Variants in SPIRE1 observed in about 807,000 individuals in gnomAD.
SPIRE1 encodes protein spire homolog 1.
Under a neutral mutation model 94.1 loss-of-function variants are expected in SPIRE1, and 40 were observed. That is an observed-to-expected ratio of 0.43 (90% CI 0.33 to 0.55). SPIRE1 has a LOEUF of 0.55. Ranked by LOEUF, SPIRE1 falls within the 20% of genes least tolerant of loss-of-function variation. The pLI is 0.06. For synonymous variants in SPIRE1, 376 were observed against 371.7 expected (o/e 1.01, Z -0.13); for missense variants, 838 against 975.2 (o/e 0.86, Z 1.87).
intron 10 of SPIRE1, among the ~76,000 whole-genome samples, chr18:12,476,614 T>C (rs1239081202): frequency 7.4e-6 from 1 of 135,378 alleles, no homozygotes; most frequent in African/African-American, 2.7e-5. Flanking sequence ...CACACATATA[T>C]ACACACACAT....
intron 2 of SPIRE1, among the ~76,000 whole-genome samples, chr18:12,615,345 A>AATATATATATATATAT (rs71174107): frequency 4.6e-4 from 8 of 17,236 alleles, no homozygotes; most frequent in South Asian, 2.7e-3. Context: ...AAAAAAAAAA[A>AATATATATATATATAT]ATATATATAT....
chr18:12,563,677 T>C (rs1014443311), intron 2 of SPIRE1, among the ~76,000 whole-genome samples: 3 of 152,214 alleles, frequency 2.0e-5, no homozygotes, highest in African/African-American at 7.2e-5. Flanking sequence ...ATTGTATCTA[T>C]AATCCCTTAG....
chr18:12,567,490 C>T (rs986348802), intron 2 of SPIRE1, among the ~76,000 whole-genome samples: 15 of 152,050 alleles, frequency 9.9e-5, no homozygotes, highest in Non-Finnish European at 1.3e-4. Flanking sequence ...GGCAAAGGAC[C>T]CAGAATAGCC....
chr18:12,597,429 G>A (rs1442459756), intron 2 of SPIRE1, among the ~76,000 whole-genome samples: 1 of 152,118 alleles, frequency 6.6e-6, no homozygotes, highest in Non-Finnish European at 1.5e-5. Context: ...GCATCGAAGA[G>A]GCCACCAAAC....
intron 2 of SPIRE1, among the ~76,000 whole-genome samples, chr18:12,591,830 G>A (rs779325920): frequency 1.3e-5 from 2 of 151,868 alleles, no homozygotes; most frequent in South Asian, 2.1e-4. Context: ...TTAGCTGGGC[G>A]TCATGGTGGG....
At chr18:12,556,482 G>T (rs143196348) in intron 2 of SPIRE1, among the ~76,000 whole-genome samples, 1 of 152,152 alleles carries the variant, frequency 6.6e-6, no homozygotes, top group Non-Finnish European at 1.5e-5. Context: ...ATGAAGCTGC[G>T]GACCCTCACG....
At chr18:12,498,093 A>G (rs920192280) in intron 6 of SPIRE1, among the ~76,000 whole-genome samples, 4 of 152,160 alleles carry the variant, frequency 2.6e-5, no homozygotes, top group Admixed American at 1.3e-4. Flanking sequence ...TTCAATATTT[A>G]CATTATACTT....
intron 3 of SPIRE1, 132 bp downstream of exon 3, chr18:12,546,542 A>G: frequency 1.4e-6 from 1 of 702,800 alleles, no homozygotes; most frequent in South Asian, 1.7e-5. Context: ...CAGAGGCTAC[A>G]GTGAGCCATG....
At chr18:12,543,121 T>G (rs1317349600) in intron 3 of SPIRE1, among the ~76,000 whole-genome samples, 1 of 152,132 alleles carries the variant, frequency 6.6e-6, no homozygotes, top group Non-Finnish European at 1.5e-5. Flanking sequence ...AGCCACCATG[T>G]CTGGCCCATG....
At chr18:12,634,129 T>C (rs1185691962) in intron 2 of SPIRE1, among the ~76,000 whole-genome samples, 1 of 151,886 alleles carries the variant, frequency 6.6e-6, no homozygotes, top group African/African-American at 2.4e-5. Flanking sequence ...GCGCCTGTAG[T>C]CCCAGCTACC....
Position 12,460,947 on chromosome 18 carries a change from C to A in SPIRE1, c.1638+2404G>T, listed in dbSNP as rs1216206120. 3.3e-5 allele frequency among the ~76,000 whole-genome samples: 5 copies of A among 152,126 alleles called. No individual in the cohort carries two copies. In the South Asian group the frequency reaches 8.3e-4, roughly 25 times the overall value. On this transcript the variant is annotated intron_variant, in intron 12 of 16. Coordinates refer to ENST00000409402, the MANE Select transcript of SPIRE1 (RefSeq NM_001128626.2). ...TTTCGTCTCTGCTGGTGCTTGGAGGCCTGCGTGGACTCTGCTCCCTGCCCT... is the reference window on the plus strand; with the variant it reads ...TTTCGTCTCTGCTGGTGCTTGGAGGACTGCGTGGACTCTGCTCCCTGCCCT...
At chr18:12,586,442 T>C (rs980594107) in intron 2 of SPIRE1, among the ~76,000 whole-genome samples, 7 of 152,220 alleles carry the variant, frequency 4.6e-5, no homozygotes, top group Admixed American at 1.3e-4. Flanking sequence ...CCAGATTACC[T>C]TGGTATTCCA....
rs146852640 is a variant in SPIRE1 at position 12,508,921 on chromosome 18, C to T, written c.808-2280G>A. Reference sequence around the variant, plus strand: ...AACTCCTGACCTCAAGTGATTCAGCCGCCTTGGCCTCCCAAAGTGCTGAGA... The same window carrying T: ...AACTCCTGACCTCAAGTGATTCAGCTGCCTTGGCCTCCCAAAGTGCTGAGA... On this transcript the variant is annotated intron_variant, in intron 5 of 16. Coordinates refer to ENST00000409402, the MANE Select transcript of SPIRE1 (RefSeq NM_001128626.2). Among the ~76,000 whole-genome samples, 600 of 152,250 alleles carry T rather than the reference C, an allele frequency of 3.9e-3. 1 individual carries two copies. The highest frequency in any genetic ancestry group is 9.7e-3 in the African/African-American group (403 of 41,540).
At chr18:12,601,803 T>C (rs2036843072) in intron 2 of SPIRE1, among the ~76,000 whole-genome samples, 1 of 152,190 alleles carries the variant, frequency 6.6e-6, no homozygotes, top group Non-Finnish European at 1.5e-5. Flanking sequence ...CAGTATTTTG[T>C]TCCTTTTTAT....
intron 3 of SPIRE1, among the ~76,000 whole-genome samples, chr18:12,546,241 G>A (rs112722196): frequency 0.014 from 2,181 of 152,150 alleles, 44 homozygotes; most frequent in African/African-American, 0.042. Context: ...CGCCTGCCTC[G>A]GCCTCCCAAA....
chr18:12,596,541 A>G (rs187128281), intron 2 of SPIRE1, among the ~76,000 whole-genome samples: 105 of 152,310 alleles, frequency 6.9e-4, no homozygotes, highest in Non-Finnish European at 1.2e-3. Flanking sequence ...ATGTTTTGAC[A>G]GTGTAGGCCA....
At chr18:12,632,470 T>C (rs897488271) in intron 2 of SPIRE1, among the ~76,000 whole-genome samples, 4 of 152,162 alleles carry the variant, frequency 2.6e-5, no homozygotes, top group Non-Finnish European at 5.9e-5. Context: ...AAAAAGTAGT[T>C]CCCTCTGGCT....
chr18:12,471,700 G>GTTAGACAGACTTGGGTTTCAAATCT (rs1167525171), intron 10 of SPIRE1, among the ~76,000 whole-genome samples: 3 of 152,198 alleles, frequency 2.0e-5, no homozygotes, highest in African/African-American at 7.2e-5. Flanking sequence ...GGACTTCAGA[G>GTTAGACAGACTTGGGTTTCAAATCT]TTAGACAGAC....
chr18:12,457,461 C>G lies in SPIRE1; in HGVS notation c.1639-2978G>C, dbSNP rs547703337. 4.4e-5 allele frequency among the ~76,000 whole-genome samples: 5 copies of G among 112,778 alleles called. No homozygotes were observed. In the South Asian group the frequency reaches 1.2e-3, roughly 28 times the overall value. 74.0% of individuals were successfully genotyped at this position (112,778 alleles called of 152,430 possible). On this transcript the variant is annotated intron_variant, in intron 12 of 16. Transcript: ENST00000409402. Reference sequence around the variant, plus strand: ...TCAAGGCCCCAGCTAGAGCGGGAGCCCTTCCCCACCACGGCACTGCCTGGG... The same window carrying G: ...TCAAGGCCCCAGCTAGAGCGGGAGCGCTTCCCCACCACGGCACTGCCTGGG...
Sources: allele counts gnomAD v4.1 joint callset (sites outside exome capture counted in the v4.1 genomes callset), GRCh38; gene constraint gnomAD v4.1.1; transcripts MANE v1.5; gene names NCBI Gene and HGNC (gene_info 2026-07-23, HGNC 2026-07-21).